Variants in SECTM1 observed in about 807,000 individuals in gnomAD.
SECTM1 encodes secreted and transmembrane 1, also known as secreted and transmembrane protein 1.
In SECTM1, 10 loss-of-function variants were observed where a neutral mutation model predicts 18.1. The observed-to-expected ratio is 0.55, with a 90% CI of 0.34 to 0.94. The LOEUF is 0.94. Ranked by LOEUF, SECTM1 falls within the 40% of genes least tolerant of loss-of-function variation. SECTM1 has a pLI of 0.02. For missense variants in SECTM1, 297 were observed against 322.6 expected (o/e 0.92, Z 0.61); for synonymous variants, 137 against 139.2 (o/e 0.98, Z 0.11).
rs191543852 is a variant in SECTM1 at position 82,325,090 on chromosome 17, C to G, written c.95-200G>C. Among the ~76,000 whole-genome samples, 3 of 152,234 alleles carry G rather than the reference C, an allele frequency of 2.0e-5. No individual in the cohort carries two copies. The East Asian group carries it at 5.8e-4, about 29-fold the overall frequency. On this transcript the variant is annotated intron_variant, in intron 2 of 4. Transcript: ENST00000269389. The surrounding 1 kb of genome is among the most constrained non-coding windows in gnomAD (Gnocchi z 7.6). ...ATAGCAACAAAAAAGACGGGTGGCT[C>G]TGTGTGTGTGTATGTGTGTGTGTGT...
Position 82,330,078 on chromosome 17 carries a change from G to A in SECTM1, c.-52-2786C>T, listed in dbSNP as rs769107401. ...CCTGCAGACCCCTGCATGGAGGTGA[G>A]GTTCACACAAGGAGACCCCAGGGGG... On this transcript the variant is annotated intron_variant, in intron 1 of 4. Transcript: ENST00000269389. The surrounding 1 kb of genome is among the most constrained non-coding windows in gnomAD (Gnocchi z 6.1). Among the ~76,000 whole-genome samples the A allele has an allele frequency of 8.5e-5, 13 of 152,184 alleles. No individual in the cohort carries two copies. The highest frequency in any genetic ancestry group is 1.9e-4 in the Non-Finnish European group (13 of 68,022).
chr17:82,324,883 G>C lies in SECTM1; in HGVS notation c.102C>G (p.Asp34Glu). Residue 34 changes from aspartate (D) to glutamate (E), a missense_variant, in exon 3 of 5, where the codon GAC (aspartate) becomes GAG (glutamate). Physicochemically the swap from Asp to Glu is conservative, Grantham distance 45. Transcript: ENST00000269389. ...CTACCCCCTCTGTGCAGATGGGGCT[G>C]TCCCAGCCTGTAGGGCCAGACAGAG... ...ASLSAQNEGW[D>E]SPICTEGVVS... 1.2e-6 allele frequency: 2 copies of C among 1,608,640 alleles called. No homozygotes were observed. The highest frequency in any genetic ancestry group is 1.7e-6 in the Non-Finnish European group (2 of 1,176,792).
At chr17:82,332,286 G>A (rs1012998713) in intron 1 of SECTM1, among the ~76,000 whole-genome samples, 3 of 152,210 alleles carry the variant, frequency 2.0e-5, no homozygotes, top group Non-Finnish European at 2.9e-5. Context: ...CCTGACAAGC[G>A]ATGATGCGCA....
rs1265377140 is a variant in SECTM1 at position 82,321,240 on chromosome 17, A to G, written c.*921T>C. ...GGACGTTTTGGGGCTTAAAGCCACT[A>G]AAGACGTTTCTTTCAGATTTTTGTT... On this transcript the variant is annotated 3_prime_UTR_variant, in exon 5 of 5. Coordinates refer to ENST00000269389, the MANE Select transcript of SECTM1 (RefSeq NM_003004.3). 6.6e-6 allele frequency: 1 copy of G among 152,226 alleles called. No individual in the cohort carries two copies. The highest frequency in any genetic ancestry group is 2.4e-5 in the African/African-American group (1 of 41,468). The allele number at this position is 152,226 out of a possible 1,614,324, so 9.4% of individuals were successfully genotyped here. A position where few individuals can be genotyped will look rare whatever the true frequency, so the allele number is the denominator to read the frequency against.
rs896624798 is a variant in SECTM1, at chr17:82,325,242, G to A, written c.95-352C>T. ...TCAGAGCCTCAGGTGTGTGCCGGGC[G>A]GCTGCGCTGTGGCAGGAGTGCTGCC... On this transcript the variant is annotated intron_variant, in intron 2 of 4. Coordinates refer to ENST00000269389, the MANE Select transcript of SECTM1 (RefSeq NM_003004.3). This position sits in a 1 kb window ranked among gnomAD's most constrained non-coding sequence, Gnocchi z 7.6. 9.2e-5 allele frequency among the ~76,000 whole-genome samples: 14 copies of A among 152,296 alleles called. No homozygotes were observed. The South Asian group carries it at 1.4e-3, about 16-fold the overall frequency.
Position 82,327,226 on chromosome 17 carries a change from G to A in SECTM1, c.15C>T (p.Pro5=), listed in dbSNP as rs1453884706. Residue 5 remains proline (P), a synonymous_variant, in exon 2 of 5, where the codon CCC becomes CCT. Transcript: ENST00000269389. The part of the protein sequence containing the change: MQTC[P]LAFPGHVSQA... ...GGGAAACGTGGCCAGGGAATGCCAG[G>A]GGGCAGGTCTGCATGGCTGGTGGGA... 6.2e-7 allele frequency: 1 copy of A among 1,609,570 alleles called. No individual in the cohort carries two copies. The highest frequency in any genetic ancestry group is 1.7e-5 in the Admixed American group (1 of 59,494).
chr17:82,322,311 C>T lies in SECTM1; in HGVS notation c.597G>A (p.Gln199=), dbSNP rs767617753. Residue 199 remains glutamine, a synonymous_variant, in exon 5 of 5, where the codon CAG becomes CAA. Coordinates refer to ENST00000269389, the MANE Select transcript of SECTM1 (RefSeq NM_003004.3). ...CAGCGGAGGCTCTGCTCAGGCCCTG[C>T]TGGGCTCCCGCTCTGAGGGCTGCGA... ...MKVAALRAGA[Q]QGLSRASAEL... 6 of 1,613,194 alleles carry T rather than the reference C, an allele frequency of 3.7e-6. No individual in the cohort carries two copies. The highest frequency in any genetic ancestry group is 5.1e-6 in the Non-Finnish European group (6 of 1,179,558).
rs2052135906 is a variant in SECTM1, at chr17:82,325,221, A to G, written c.95-331T>C. 1.3e-5 allele frequency among the ~76,000 whole-genome samples: 2 copies of G among 152,126 alleles called. No individual in the cohort carries two copies. Among genetic ancestry groups the G allele is most frequent in the African/African-American group, 2.4e-5 (1 of 41,422 alleles). ...TTTCCACTGGGGTGGGTGAAGTCAG[A>G]GCCTCAGGTGTGTGCCGGGCGGCTG... On this transcript the variant is annotated intron_variant, in intron 2 of 4. Transcript: ENST00000269389. This position sits in a 1 kb window ranked among gnomAD's most constrained non-coding sequence, Gnocchi z 7.6.
chr17:82,327,258 C>T lies in SECTM1; in HGVS notation c.-18G>A, dbSNP rs1405925288. ...GTCTGCATGGCTGGTGGGACTTGGG[C>T]CCCTGGTCCTTGTCACTGGCTCTTG... On this transcript the variant is annotated 5_prime_UTR_variant, in exon 2 of 5. Coordinates refer to ENST00000269389, the MANE Select transcript of SECTM1 (RefSeq NM_003004.3). 9.4e-6 allele frequency: 15 copies of T among 1,588,528 alleles called. No individual in the cohort carries two copies. The highest frequency in any genetic ancestry group is 2.7e-5 in the African/African-American group (2 of 74,374).
In SECTM1 at chr17:82,321,966, A is replaced by G; in HGVS notation, c.*195T>C. On this transcript the variant is annotated 3_prime_UTR_variant, in exon 5 of 5. Transcript: ENST00000269389. ...TGAGGTGGTTCCATTTTGGAAACTG[A>G]GGAAGCAGAGCTTGGAAGACCTGGG... is the stretch of plus-strand genomic sequence containing the variant. 1 of 579,810 alleles carries G rather than the reference A, an allele frequency of 1.7e-6. No homozygotes were observed. The highest frequency in any genetic ancestry group is 3.1e-6 in the Non-Finnish European group (1 of 327,502). The allele number at this position is 579,810 out of a possible 1,614,324, so 35.9% of individuals were successfully genotyped here.
In SECTM1 at chr17:82,326,710, A is replaced by C. The variant is rs576835688; in HGVS notation, c.94+437T>G. 5.9e-5 allele frequency among the ~76,000 whole-genome samples: 9 copies of C among 152,292 alleles called. No homozygotes were observed. The highest frequency in any genetic ancestry group is 1.9e-4 in the African/African-American group (8 of 41,568). On this transcript the variant is annotated intron_variant, in intron 2 of 4. Coordinates refer to ENST00000269389, the MANE Select transcript of SECTM1 (RefSeq NM_003004.3). The surrounding 1 kb of genome is among the most constrained non-coding windows in gnomAD (Gnocchi z 4.3). Reference sequence around the variant, plus strand: ...AGGATCTCACTGGGGGACCCTGTTCAAATGCAGATCCACTCCTGGCAGGCC... The same window carrying C: ...AGGATCTCACTGGGGGACCCTGTTCCAATGCAGATCCACTCCTGGCAGGCC...
intron 2 of SECTM1, 67 bp from the exon 3 acceptor site, chr17:82,324,957 CCCAGGG>C (rs1444400280): frequency 2.0e-6 from 3 of 1,504,444 alleles, no homozygotes; most frequent in East Asian, 2.4e-5. Flanking sequence ...GGCTGCTGTG[CCCAGGG>C]CCAGGGCCAG....
chr17:82,330,292 G>A lies in SECTM1; in HGVS notation c.-52-3000C>T, dbSNP rs965822608. Among the ~76,000 whole-genome samples the A allele has an allele frequency of 9.2e-5, 14 of 152,272 alleles. No homozygotes were observed. The highest frequency in any genetic ancestry group is 4.6e-4 in the Admixed American group (7 of 15,308). On this transcript the variant is annotated intron_variant, in intron 1 of 4. Transcript: ENST00000269389. The surrounding 1 kb of genome is among the most constrained non-coding windows in gnomAD (Gnocchi z 6.1). ...TCCCCAGGCTGCTCTGGGGAGTCCT[G>A]CCCTCACCTGGAGCCTGGAGGCCAT...
chr17:82,322,042 C>A lies in SECTM1; in HGVS notation c.*119G>T. ...ACCCAGGAGTGGGTGACACAGAGGC[C>A]CAGCCTGCCAAGCAAGCCGGTGTCT... On this transcript the variant is annotated 3_prime_UTR_variant, in exon 5 of 5. Coordinates refer to ENST00000269389, the MANE Select transcript of SECTM1 (RefSeq NM_003004.3). The A allele has an allele frequency of 1.0e-6, 1 of 952,396 alleles. No homozygotes were observed. 59.0% of individuals were successfully genotyped at this position (952,396 alleles called of 1,614,324 possible). A position where few individuals can be genotyped will look rare whatever the true frequency, so the allele number is the denominator to read the frequency against.
chr17:82,324,477 C>T lies in SECTM1; in HGVS notation c.403+105G>A, dbSNP rs547679279. The T allele has an allele frequency of 1.5e-3, 1,867 of 1,219,510 alleles. 31 individuals are homozygous for T. The African/African-American group carries it at 0.024, about 16-fold the overall frequency. 75.5% of individuals were successfully genotyped at this position (1,219,510 alleles called of 1,614,324 possible). ...GCCCGGCTCATGCCTGCTCTTCTTCCTCCTCCTTCCCTCTCAGTCTCAGCC... is the reference window on the plus strand; with the variant it reads ...GCCCGGCTCATGCCTGCTCTTCTTCTTCCTCCTTCCCTCTCAGTCTCAGCC... On this transcript the variant is annotated intron_variant, in intron 3 of 4. Coordinates refer to ENST00000269389, the MANE Select transcript of SECTM1 (RefSeq NM_003004.3).
At position 82,322,307 on chromosome 17, in the gene SECTM1, C is replaced by A; in HGVS notation, c.601G>T (p.Gly201Cys). ...VAALRAGAQQ[G>C]LSRASAELWT... is the part of the protein sequence containing the mutation. Reference sequence around the variant, plus strand: ...AGTTCAGCGGAGGCTCTGCTCAGGCCCTGCTGGGCTCCCGCTCTGAGGGCT... The same window carrying A: ...AGTTCAGCGGAGGCTCTGCTCAGGCACTGCTGGGCTCCCGCTCTGAGGGCT... Residue 201 changes from glycine (G) to cysteine (C), a missense_variant, in exon 5 of 5, where the codon GGC (glycine) becomes TGC (cysteine). Coordinates refer to ENST00000269389, the MANE Select transcript of SECTM1 (RefSeq NM_003004.3). 6.2e-7 allele frequency: 1 copy of A among 1,613,238 alleles called. No homozygotes were observed. The highest frequency in any genetic ancestry group is 8.5e-7 in the Non-Finnish European group (1 of 1,179,558).
At chr17:82,323,733 T>C (rs2052119325) in intron 3 of SECTM1, among the ~76,000 whole-genome samples, 1 of 151,608 alleles carries the variant, frequency 6.6e-6, no homozygotes, top group Non-Finnish European at 1.5e-5. Flanking sequence ...GTGACGGCTG[T>C]GGGCCCTGAG....
chr17:82,322,320 C>T lies in SECTM1; in HGVS notation c.588G>A (p.Ala196=), dbSNP rs61744493. ...EPQMKVAALR[A]GAQQGLSRAS... is the part of the protein sequence containing the mutation. ...CTCTGCTCAGGCCCTGCTGGGCTCC[C>T]GCTCTGAGGGCTGCGACCTTCATCT... Residue 196 remains alanine, a synonymous_variant, in exon 5 of 5, where the codon GCG becomes GCA. Transcript: ENST00000269389. 1,105 of 1,613,360 alleles carry T rather than the reference C, an allele frequency of 6.8e-4. 9 individuals are homozygous for T. In the African/African-American group the frequency reaches 0.013, roughly 19 times the overall value.
intron 3 of SECTM1, among the ~76,000 whole-genome samples, chr17:82,324,118 G>A (rs1351705344): frequency 6.6e-6 from 1 of 152,120 alleles, no homozygotes. Flanking sequence ...CAGGTGCTGC[G>A]GGTCTGGAGG....
Sources: gnomAD v4.1 joint callset for allele counts (sites outside exome capture counted in the v4.1 genomes callset) on GRCh38, gnomAD v4.1.1 for gene constraint, Gnocchi (gnomAD v3.1) non-coding constraint, MANE v1.5 for transcripts, NCBI Gene and HGNC (gene_info 2026-07-23, HGNC 2026-07-21) for gene names.